Variants in CACNB2 observed in about 807,000 individuals in gnomAD.
The protein encoded by CACNB2 is calcium voltage-gated channel auxiliary subunit beta 2, also known as voltage-dependent L-type calcium channel subunit beta-2.
CACNB2 carries 42 observed loss-of-function variants against 73.3 expected under a neutral mutation model. The ratio of observed to expected loss-of-function variants is 0.57; its 90% CI spans 0.45 to 0.74. The LOEUF is 0.74. Among genes scored for constraint, CACNB2 ranks in the 30% least tolerant of loss-of-function variants. The pLI, the probability that CACNB2 is intolerant of heterozygous loss-of-function variation, is 0.00. For synonymous variants in CACNB2, 348 were observed against 310.3 expected, an observed-to-expected ratio of 1.12 and a Z score of -1.28; for missense variants, 940 against 853.0, an observed-to-expected ratio of 1.10 and a Z score of -1.27.
chr10:18,476,562 A>T (rs564005179), intron 3 of CACNB2, among the ~76,000 whole-genome samples: 1 of 152,188 alleles, frequency 6.6e-6, no homozygotes, highest in Non-Finnish European at 1.5e-5. Flanking sequence ...GGCTGAAGCG[A>T]TGTTATGAAG....
intron 2 of CACNB2, among the ~76,000 whole-genome samples, chr10:18,292,487 C>T (rs572645171): frequency 1.2e-4 from 18 of 152,236 alleles, no homozygotes; most frequent in Admixed American, 3.9e-4. Flanking sequence ...AAAACCCCGT[C>T]CCTACTAAAA....
intron 3 of CACNB2, among the ~76,000 whole-genome samples, chr10:18,485,065 A>C (rs1422078994): frequency 6.6e-6 from 1 of 152,106 alleles, no homozygotes; most frequent in African/African-American, 2.4e-5. Flanking sequence ...TCATTTGAGC[A>C]TGGAATGCAG....
At chr10:18,348,290 A>G (rs2041553983) in intron 2 of CACNB2, among the ~76,000 whole-genome samples, 2 of 152,242 alleles carry the variant, frequency 1.3e-5, no homozygotes, top group Admixed American at 6.5e-5. Flanking sequence ...TGTGGAATTC[A>G]GTTCAATTTA....
intron 2 of CACNB2, chr10:18,400,980 A>G (rs375436063): frequency 3.9e-4 from 628 of 1,613,398 alleles, no homozygotes; most frequent in Middle Eastern, 5.2e-4. Context: ...GCGCGCACTG[A>G]GAACCTGTGC....
chr10:18,507,709 G>C (rs1227914701), intron 6 of CACNB2, among the ~76,000 whole-genome samples: 1 of 152,170 alleles, frequency 6.6e-6, no homozygotes. Context: ...AGACTGTAAA[G>C]GTTGACTGCC....
At chr10:18,439,764 C>A (rs1234507238) in intron 3 of CACNB2, among the ~76,000 whole-genome samples, 1 of 152,152 alleles carries the variant, frequency 6.6e-6, no homozygotes, top group Non-Finnish European at 1.5e-5. Context: ...ATCTGATACT[C>A]GGCTGAAATC....
chr10:18,205,367 A>G (rs1343219423), intron 2 of CACNB2, among the ~76,000 whole-genome samples: 1 of 152,254 alleles, frequency 6.6e-6, no homozygotes, highest in Non-Finnish European at 1.5e-5. Flanking sequence ...CGCAGCAATT[A>G]GCCCAGCGAG....
At chr10:18,186,911 T>C (rs1161840335) in intron 2 of CACNB2, among the ~76,000 whole-genome samples, 2 of 152,334 alleles carry the variant, frequency 1.3e-5, no homozygotes, top group South Asian at 2.1e-4. Context: ...TGTCACTATG[T>C]AGCGCCCTAG....
At chr10:18,340,662 C>T in intron 2 of CACNB2, 1 of 1,365,782 alleles carries the variant, frequency 7.3e-7, no homozygotes, top group Non-Finnish European at 9.5e-7. Context: ...AGAATAAGAC[C>T]CTCCCACTTG....
intron 2 of CACNB2, among the ~76,000 whole-genome samples, chr10:18,325,462 C>G (rs1377474912): frequency 6.6e-6 from 1 of 152,074 alleles, no homozygotes; most frequent in Non-Finnish European, 1.5e-5. Flanking sequence ...CCCAAAGTTG[C>G]TGGTGTTACA....
chr10:18,366,534 T>C (rs1288558987), intron 2 of CACNB2, among the ~76,000 whole-genome samples: 5 of 148,888 alleles, frequency 3.4e-5, no homozygotes, highest in Non-Finnish European at 7.4e-5. Flanking sequence ...AATAATCAAT[T>C]AATATAGTCC....
Position 18,228,433 on chromosome 10 carries a change from C to CAAAAAAAAAA in CACNB2, c.213+77465_213+77474dup, listed in dbSNP as rs1164745930. The stretch of plus-strand genomic sequence containing the variant: ...GAGCAACAAGAGCAAAACTCTACCT[C>CAAAAAAAAAA]AAAAAAAAAAAAAAAAGAAAAAAAA... On this transcript the variant is annotated intron_variant, in intron 2 of 13. Coordinates refer to ENST00000324631, the MANE Select transcript of CACNB2 (RefSeq NM_201596.3). 3.9e-3 allele frequency among the ~76,000 whole-genome samples: 135 copies of CAAAAAAAAAA among 34,728 alleles called. 15 individuals are homozygous for CAAAAAAAAAA. Among genetic ancestry groups the CAAAAAAAAAA allele is most frequent in the South Asian group, 7.0e-3 (4 of 570 alleles). The allele number at this position is 34,728 out of a possible 152,430, so 22.8% of individuals were successfully genotyped here.
At chr10:18,293,532 C>T (rs2039152909) in intron 2 of CACNB2, among the ~76,000 whole-genome samples, 1 of 152,202 alleles carries the variant, frequency 6.6e-6, no homozygotes, top group Admixed American at 6.5e-5. Flanking sequence ...GAAAGCAAAA[C>T]TTGAAACATT....
At chr10:18,355,586 TA>T (rs1271259418) in intron 2 of CACNB2, among the ~76,000 whole-genome samples, 3 of 152,042 alleles carry the variant, frequency 2.0e-5, no homozygotes, top group African/African-American at 7.2e-5. Context: ...GTATCTGCCA[TA>T]AGCCCAGCTG....
intron 2 of CACNB2, among the ~76,000 whole-genome samples, chr10:18,310,464 G>T (rs918230608): frequency 6.6e-6 from 1 of 150,998 alleles, no homozygotes; most frequent in Non-Finnish European, 1.5e-5. Context: ...AATTAGCTGG[G>T]CGTGGTGGTG....
intron 2 of CACNB2, among the ~76,000 whole-genome samples, chr10:18,164,669 A>G (rs781395843): frequency 2.0e-5 from 3 of 151,936 alleles, no homozygotes; most frequent in Non-Finnish European, 4.4e-5. Flanking sequence ...ATGATGGTAG[A>G]TTACACGTAG....
chr10:18,285,942 G>A (rs2038769095), intron 2 of CACNB2, among the ~76,000 whole-genome samples: 1 of 152,138 alleles, frequency 6.6e-6, no homozygotes, highest in Admixed American at 6.5e-5. Context: ...TTATTATTAA[G>A]TGAATAATAA....
At chr10:18,348,957 A>G (rs774359864) in intron 2 of CACNB2, among the ~76,000 whole-genome samples, 54 of 152,176 alleles carry the variant, frequency 3.5e-4, no homozygotes, top group Admixed American at 3.3e-4. Flanking sequence ...TGTCTCTACA[A>G]ATATATTTTA....
At chr10:18,208,455 C>CTAAAAA (rs1323869403) in intron 2 of CACNB2, among the ~76,000 whole-genome samples, 5 of 151,770 alleles carry the variant, frequency 3.3e-5, no homozygotes, top group African/African-American at 1.2e-4. Context: ...TATACAAAAA[C>CTAAAAA]TAAAAAATTA....
Sources: allele counts gnomAD v4.1 joint callset (sites outside exome capture counted in the v4.1 genomes callset), GRCh38; gene constraint gnomAD v4.1.1; transcripts MANE v1.5; gene names NCBI Gene and HGNC (gene_info 2026-07-23, HGNC 2026-07-21).